PCDHGB7: variants seen among roughly 807,000 people sequenced by gnomAD.
The protein encoded by PCDHGB7 is protocadherin gamma-B7.
PCDHGB7 carries 37 observed loss-of-function variants against 61.4 expected under a neutral mutation model. That is an observed-to-expected ratio of 0.60 (90% CI 0.46 to 0.79). The LOEUF is 0.79. PCDHGB7 is among the 30% of genes least tolerant of loss of function. The pLI is 0.00. For synonymous variants in PCDHGB7, 464 were observed against 503.5 expected, an observed-to-expected ratio of 0.92 and a Z score of 1.05; for missense variants, 1,166 against 1,202.5, an observed-to-expected ratio of 0.97 and a Z score of 0.45.
intron 1 of PCDHGB7, among the ~76,000 whole-genome samples, chr5:141,446,381 T>C (rs1225260527): frequency 1.3e-5 from 2 of 152,248 alleles, no homozygotes; most frequent in Non-Finnish European, 2.9e-5. Flanking sequence ...TAAAGAATGA[T>C]AGATTTAAGA....
intron 3 of PCDHGB7, 96 bp downstream of exon 3, chr5:141,505,577 G>C: frequency 2.5e-6 from 4 of 1,589,854 alleles, no homozygotes; most frequent in Non-Finnish European, 3.4e-6. Flanking sequence ...TGTCAAACCT[G>C]TGTAGTTTCT....
At chr5:141,494,768 C>T (rs758949982) in intron 1 of PCDHGB7, 39 bp from the exon 2 acceptor site, 1 of 1,614,060 alleles carries the variant, frequency 6.2e-7, no homozygotes, top group South Asian at 1.1e-5. Flanking sequence ...TCTAACTTCT[C>T]ACGGGTACTC....
Position 141,431,041 on chromosome 5 carries a change from G to C in PCDHGB7, c.2415+10767G>C, listed in dbSNP as rs2097339173. On this transcript the variant is annotated intron_variant, in intron 1 of 3. Coordinates refer to ENST00000398594, the MANE Select transcript of PCDHGB7 (RefSeq NM_018927.4). The surrounding 1 kb of genome is among the most constrained non-coding windows in gnomAD (Gnocchi z 4.8). ...CGGCGGGCAGGATAGACCGGGAGGA[G>C]CTCTGTATGGGGGCCATCAAGTGTC... The C allele has an allele frequency of 6.2e-7, 1 of 1,614,116 alleles. No homozygotes were observed. Among genetic ancestry groups the C allele is most frequent in the Non-Finnish European group, 8.5e-7 (1 of 1,180,046 alleles).
chr5:141,501,530 G>T (rs556760554), intron 2 of PCDHGB7, among the ~76,000 whole-genome samples: 1 of 151,998 alleles, frequency 6.6e-6, no homozygotes, highest in East Asian at 1.9e-4. Flanking sequence ...AGCCCAGTAC[G>T]TTGTTGTGCA....
At chr5:141,440,983 G>A (rs2154559140) in intron 1 of PCDHGB7, 1 of 152,314 alleles carries the variant, frequency 6.6e-6, no homozygotes, top group South Asian at 2.1e-4. Flanking sequence ...TCACAACCCA[G>A]AGTACCCATA....
At chr5:141,455,837 AT>A (rs2098833014) in intron 1 of PCDHGB7, among the ~76,000 whole-genome samples, 2 of 151,422 alleles carry the variant, frequency 1.3e-5, no homozygotes, top group African/African-American at 4.8e-5. Context: ...TTTCCTGTCT[AT>A]CTGCATAAAA....
At chr5:141,460,924 A>ATATG (rs1561985817) in intron 1 of PCDHGB7, among the ~76,000 whole-genome samples, 10 of 150,588 alleles carry the variant, frequency 6.6e-5, no homozygotes, top group East Asian at 3.9e-4. Flanking sequence ...ATATATATAT[A>ATATG]TGTGTGTGTG....
intron 2 of PCDHGB7, among the ~76,000 whole-genome samples, chr5:141,498,963 GGGAGGGAGGGAAGGAAGGAA>G (rs1472475865): frequency 5.7e-4 from 74 of 129,970 alleles, no homozygotes; most frequent in Non-Finnish European, 2.6e-4. Flanking sequence ...GAGAGAGGGA[GGGAGGGAGGGAAGGAAGGAA>G]GGAAGGAAGG....
chr5:141,485,762 G>A lies in PCDHGB7; in HGVS notation c.2416-9045G>A, dbSNP rs774145313. 3.1e-6 allele frequency: 5 copies of A among 1,614,226 alleles called. No homozygotes were observed. The highest frequency in any genetic ancestry group is 3.3e-5 in the Admixed American group (2 of 60,030). ...CAGCCTGGTCCCAGAGCTGCTCCTG[G>A]AGAAGCCTTTGGATCGAGAGAAGCA... On this transcript the variant is annotated intron_variant, in intron 1 of 3. Transcript: ENST00000398594. The surrounding 1 kb of genome is among the most constrained non-coding windows in gnomAD (Gnocchi z 5.7).
At chr5:141,467,460 T>G (rs1354012953) in intron 1 of PCDHGB7, among the ~76,000 whole-genome samples, 1 of 152,246 alleles carries the variant, frequency 6.6e-6, no homozygotes. Context: ...CCAGTGCTAG[T>G]ACTTGCATGG....
At chr5:141,449,080 A>G (rs2098627421) in intron 1 of PCDHGB7, among the ~76,000 whole-genome samples, 1 of 152,198 alleles carries the variant, frequency 6.6e-6, no homozygotes, top group Non-Finnish European at 1.5e-5. Context: ...CCCTGTACCT[A>G]CATCAGTTTT....
chr5:141,489,896 C>T lies in PCDHGB7; in HGVS notation c.2416-4911C>T, dbSNP rs765318875. 3 of 1,614,180 alleles carry T rather than the reference C, an allele frequency of 1.9e-6. No homozygotes were observed. The highest frequency in any genetic ancestry group is 1.3e-5 in the African/African-American group (1 of 75,066). On this transcript the variant is annotated intron_variant, in intron 1 of 3. Coordinates refer to ENST00000398594, the MANE Select transcript of PCDHGB7 (RefSeq NM_018927.4). The surrounding 1 kb of genome is among the most constrained non-coding windows in gnomAD (Gnocchi z 4.5). ...GTGCTTACTGCTGTGGATGGGGGGA[C>T]CCCAGCCCGCTCAGGGACCACCCTT...
At chr5:141,443,977 AT>A (rs1443967001) in intron 1 of PCDHGB7, among the ~76,000 whole-genome samples, 1 of 152,020 alleles carries the variant, frequency 6.6e-6, no homozygotes, top group African/African-American at 2.4e-5. Context: ...CATCTAAGCT[AT>A]GTTAATTTTA....
chr5:141,418,013 A>C lies in PCDHGB7; in HGVS notation c.154A>C (p.Lys52Gln), dbSNP rs769578436. Residue 52 changes from lysine (K) to glutamine (Q), a missense_variant, in exon 1 of 4, where the codon AAG becomes CAG. By Grantham distance (53) the Lys-to-Gln change is moderately conservative. Coordinates refer to ENST00000398594, the MANE Select transcript of PCDHGB7 (RefSeq NM_018927.4). ...GGGCTCGGTGGTGGGGAACCTCGCT[A>C]AGGATCTAGGGCTTAGTGTCCTGGA... Reference protein sequence around the residue: ...AKGSVVGNLAKDLGLSVLDVS... With the variant: ...AKGSVVGNLAQDLGLSVLDVS... 2 of 1,613,906 alleles carry C rather than the reference A, an allele frequency of 1.2e-6. No individual in the cohort carries two copies. Among genetic ancestry groups the C allele is most frequent in the African/African-American group, 2.7e-5 (2 of 75,056 alleles).
At chr5:141,421,880 G>C in intron 1 of PCDHGB7, 1 of 1,613,718 alleles carries the variant, frequency 6.2e-7, no homozygotes, top group Admixed American at 1.7e-5. Flanking sequence ...GCTTTAGATG[G>C]AGGCGATCCC....
At chr5:141,502,356 G>C (rs1443285213) in intron 2 of PCDHGB7, among the ~76,000 whole-genome samples, 4 of 151,838 alleles carry the variant, frequency 2.6e-5, no homozygotes. Flanking sequence ...TAATGACATG[G>C]ATATTTTTAA....
intron 1 of PCDHGB7, among the ~76,000 whole-genome samples, chr5:141,492,170 C>A (rs1383768075): frequency 6.6e-6 from 1 of 152,226 alleles, no homozygotes; most frequent in Non-Finnish European, 1.5e-5. Context: ...ATCCCCGCAT[C>A]ACCCAACCGC....
In PCDHGB7 at chr5:141,419,659, C is replaced by T. The variant is rs930108720; in HGVS notation, c.1800C>T (p.His600=). The T allele has an allele frequency of 1.2e-6, 2 of 1,612,608 alleles. No homozygotes were observed. The highest frequency in any genetic ancestry group is 4.5e-5 in the East Asian group (2 of 44,894). Residue 600 remains histidine, a synonymous_variant, in exon 1 of 4, where the codon CAC becomes CAT. Coordinates refer to ENST00000398594, the MANE Select transcript of PCDHGB7 (RefSeq NM_018927.4). ...KVVAVDADSG[H]NAWLSYHVVQ... is the part of the protein sequence containing the mutation. The stretch of plus-strand genomic sequence containing the variant: ...TGGCCGTGGACGCGGACTCGGGGCA[C>T]AATGCCTGGCTGTCCTACCACGTGG...
In PCDHGB7 at chr5:141,510,983, C is replaced by T; in HGVS notation, c.2600C>T (p.Ala867Val). The change falls in exon 4 of 4, where the codon GCC becomes GTC. Residue 867 changes from alanine to valine, a missense_variant. Transcript: ENST00000398594. The stretch of plus-strand genomic sequence containing the variant: ...GGGAGCTCCACCCTGGGAGGGGGTG[C>T]CGGCACCATGGGATTGAGCGCCCGC... ...ADGSSTLGGG[A>V]GTMGLSARYG... The T allele has an allele frequency of 6.2e-7, 1 of 1,614,162 alleles. No homozygotes were observed. The highest frequency in any genetic ancestry group is 8.5e-7 in the Non-Finnish European group (1 of 1,180,012).
Sources: gnomAD v4.1 joint callset for allele counts (sites outside exome capture counted in the v4.1 genomes callset) on GRCh38, gnomAD v4.1.1 for gene constraint, Gnocchi (gnomAD v3.1) non-coding constraint, MANE v1.5 for transcripts, NCBI Gene and HGNC (gene_info 2026-07-23, HGNC 2026-07-21) for gene names.